RGS20: variants seen among roughly 807,000 people sequenced by gnomAD.
RGS20 encodes regulator of G protein signaling 20.
Under a neutral mutation model 33.6 loss-of-function variants are expected in RGS20, and 30 were observed. The ratio of observed to expected loss-of-function variants is 0.89; its 90% CI spans 0.67 to 1.21. The LOEUF (loss-of-function observed/expected upper bound fraction) is 1.21, where lower values mean the gene tolerates loss of function less well. RGS20 is among the 50% of genes most tolerant of loss of function. RGS20 has a pLI of 0.00. For synonymous variants in RGS20, 208 were observed against 197.9 expected (o/e 1.05, Z -0.43); for missense variants, 472 against 502.4 (o/e 0.94, Z 0.58).
chr8:53,883,009 T>A (rs1288303998), intron 2 of RGS20, among the ~76,000 whole-genome samples: 1 of 152,250 alleles, frequency 6.6e-6, no homozygotes, highest in African/African-American at 2.4e-5. Flanking sequence ...ACAAGGACAT[T>A]TCTAGTGAAA....
intron 2 of RGS20, among the ~76,000 whole-genome samples, chr8:53,881,666 A>G (rs1371326859): frequency 2.0e-5 from 3 of 152,148 alleles, no homozygotes; most frequent in Admixed American, 6.5e-5. Flanking sequence ...CGTGGACCCT[A>G]GAAGACCGAC....
At chr8:53,883,672 C>T (rs1260736769) in intron 2 of RGS20, among the ~76,000 whole-genome samples, 3 of 151,758 alleles carry the variant, frequency 2.0e-5, no homozygotes, top group Non-Finnish European at 4.4e-5. Context: ...CAGCAGAGCA[C>T]GGTGGCTCAC....
intron 2 of RGS20, among the ~76,000 whole-genome samples, chr8:53,931,167 G>A (rs978189004): frequency 6.6e-6 from 1 of 152,108 alleles, no homozygotes; most frequent in East Asian, 1.9e-4. Flanking sequence ...GTGGTCTCTG[G>A]GTATGTTGGG....
At chr8:53,947,214 ATATT>A (rs1365843761) in intron 4 of RGS20, among the ~76,000 whole-genome samples, 141 of 139,810 alleles carry the variant, frequency 1.0e-3, no homozygotes, top group South Asian at 2.6e-3. Flanking sequence ...AAGATATAGC[ATATT>A]TATTTATACA....
At chr8:53,887,609 A>T (rs1812584486) in intron 2 of RGS20, among the ~76,000 whole-genome samples, 1 of 152,288 alleles carries the variant, frequency 6.6e-6, no homozygotes, top group African/African-American at 2.4e-5. Flanking sequence ...AGATTTCTTA[A>T]TTTGTATAAA....
intron 2 of RGS20, chr8:53,914,054 A>C: frequency 1.5e-5 from 1 of 66,368 alleles, no homozygotes; most frequent in African/African-American, 1.2e-4. Flanking sequence ...TTTTTGAAAC[A>C]GGGTCCCGCT....
rs374244615 is a variant in RGS20, at chr8:53,871,534, T to G, written c.166-7724T>G. Among the ~76,000 whole-genome samples, 30 of 152,106 alleles carry G rather than the reference T, an allele frequency of 2.0e-4. No homozygotes were observed. The East Asian group carries it at 4.8e-3, about 25-fold the overall frequency. ...TAGGAAGCTGAGGCAGGAGAATCGC[T>G]TGACCCTGAGAGGCAGAGGTTGCAG... is the stretch of plus-strand genomic sequence containing the variant. On this transcript the variant is annotated intron_variant, in intron 1 of 5. Transcript: ENST00000297313.
At chr8:53,878,877 T>A (rs1288654929) in intron 1 of RGS20, among the ~76,000 whole-genome samples, 1 of 152,130 alleles carries the variant, frequency 6.6e-6, no homozygotes, top group East Asian at 1.9e-4. Context: ...TTCATCCAAA[T>A]TCTGAAGAAC....
intron 2 of RGS20, among the ~76,000 whole-genome samples, chr8:53,881,639 G>T (rs1187387966): frequency 6.6e-6 from 1 of 152,160 alleles, no homozygotes; most frequent in Non-Finnish European, 1.5e-5. Flanking sequence ...GCAGGGTGAG[G>T]AAGTGGACGC....
At chr8:53,881,187 G>A (rs1457877981) in intron 2 of RGS20, 103 bp downstream of exon 1, 1 of 838,980 alleles carries the variant, frequency 1.2e-6, no homozygotes, top group Non-Finnish European at 1.7e-6. Context: ...CCGCTCGTCC[G>A]GACCTCAGGG....
At chr8:53,880,606 G>T (rs958554417) in intron 2 of RGS20, among the ~76,000 whole-genome samples, 2 of 152,194 alleles carry the variant, frequency 1.3e-5, no homozygotes, top group African/African-American at 2.4e-5. Flanking sequence ...CTCTAGTCTC[G>T]CTCGGCCCCG....
chr8:53,941,417 G>A (rs1416168683), intron 3 of RGS20, among the ~76,000 whole-genome samples: 5 of 152,026 alleles, frequency 3.3e-5, no homozygotes, highest in Non-Finnish European at 7.4e-5. Context: ...AAGAACCGAA[G>A]AAAGGGCCTA....
rs1812816702 is a variant in RGS20 at position 53,895,056 on chromosome 8, TCGTAG to T, written c.510+15456_510+15460del. 2.6e-5 allele frequency among the ~76,000 whole-genome samples: 4 copies of T among 152,190 alleles called. No homozygotes were observed. The South Asian group carries it at 8.3e-4, about 32-fold the overall frequency. On this transcript the variant is annotated intron_variant, in intron 2 of 5. Transcript: ENST00000297313. ...GGGAAGGAGGTGGATATGGGACTTA[TCGTAG>T]CCATCGAGACAAGAGATGGGGCCGC...
At chr8:53,879,723 G>T in intron 2 of RGS20, 3 of 875,254 alleles carry the variant, frequency 3.4e-6, no homozygotes, top group Non-Finnish European at 4.9e-6. Context: ...AGGGTGGCAA[G>T]GTCGGGAAGG....
At chr8:53,891,807 AAAG>A (rs1256507032) in intron 2 of RGS20, among the ~76,000 whole-genome samples, 1 of 152,210 alleles carries the variant, frequency 6.6e-6, no homozygotes, top group Non-Finnish European at 1.5e-5. Context: ...ACTGGAAAGA[AAAG>A]AAGTATGTTA....
chr8:53,946,768 T>C lies in RGS20; in HGVS notation c.743+20T>C. Reference sequence around the variant, plus strand: ...AGAAAGGTGAAATCACACGTTTTTTTTACCTCACTAAACTAACAGAAATAC... The same window carrying C: ...AGAAAGGTGAAATCACACGTTTTTTCTACCTCACTAAACTAACAGAAATAC... On this transcript the variant is annotated intron_variant, in intron 4 of 5. Transcript: ENST00000297313. 6.3e-7 allele frequency: 1 copy of C among 1,599,488 alleles called. No individual in the cohort carries two copies. The highest frequency in any genetic ancestry group is 8.6e-7 in the Non-Finnish European group (1 of 1,167,788).
intron 2 of RGS20, among the ~76,000 whole-genome samples, chr8:53,924,026 CT>C (rs563507412): frequency 4.0e-4 from 59 of 146,206 alleles, no homozygotes; most frequent in Non-Finnish European, 3.9e-4. Context: ...TTTGCAAATA[CT>C]TTTTTTTTTT....
chr8:53,856,013 G>T (rs903209985), intron 1 of RGS20, among the ~76,000 whole-genome samples: 10 of 152,090 alleles, frequency 6.6e-5, no homozygotes, highest in African/African-American at 2.4e-4. Context: ...ATAAGTATTT[G>T]ATAGCTTCTG....
At chr8:53,929,578 G>A (rs1373727677) in intron 2 of RGS20, among the ~76,000 whole-genome samples, 1 of 152,194 alleles carries the variant, frequency 6.6e-6, no homozygotes. Context: ...TGAAGCAAGA[G>A]AATTGCTTGA....
Sources: allele counts gnomAD v4.1 joint callset (sites outside exome capture counted in the v4.1 genomes callset), GRCh38; gene constraint gnomAD v4.1.1; transcripts MANE v1.5; gene names NCBI Gene and HGNC (gene_info 2026-07-23, HGNC 2026-07-21).